STOX2: variants seen among roughly 807,000 people sequenced by gnomAD.
The protein encoded by STOX2 is storkhead-box protein 2.
A neutral mutation model predicts 60.9 loss-of-function variants in STOX2; 28 were observed. That is an observed-to-expected ratio of 0.46 (90% CI 0.34 to 0.63). The LOEUF is 0.63. Among genes scored for constraint, STOX2 ranks in the 30% least tolerant of loss-of-function variants. STOX2 has a pLI of 0.01. For missense variants in STOX2, 1,024 were observed against 1,187.7 expected (o/e 0.86, Z 2.03); for synonymous variants, 472 against 463.9 (o/e 1.02, Z -0.22).
chr4:183,919,949 TGTAA>T (rs1197248815), intron 1 of STOX2, among the ~76,000 whole-genome samples: 6 of 152,246 alleles, frequency 3.9e-5, no homozygotes, highest in Non-Finnish European at 7.4e-5. Flanking sequence ...TTGGTACCTG[TGTAA>T]GTGTCACCTT....
chr4:183,825,769 C>T lies in STOX2; in HGVS notation c.364+27714C>T, dbSNP rs539084369. On this transcript the variant is annotated intron_variant, in intron 1 of 2. Coordinates refer to the STOX2 transcript ENST00000513034. The surrounding 1 kb of genome is among the most constrained non-coding windows in gnomAD (Gnocchi z 4.1). ...GGCTGGACTTTGCCGGGGAGGGGTT[C>T]AGATTTAATGCTTCGAGCAGTGGAA... 2.1e-3 allele frequency among the ~76,000 whole-genome samples: 322 copies of T among 152,192 alleles called. 3 individuals are homozygous for T. The highest frequency in any genetic ancestry group is 7.2e-3 in the African/African-American group (297 of 41,516).
chr4:183,917,382 A>T (rs1741962296), intron 1 of STOX2, among the ~76,000 whole-genome samples: 1 of 152,204 alleles, frequency 6.6e-6, no homozygotes, highest in African/African-American at 2.4e-5. Flanking sequence ...TAGGATTTTT[A>T]AGAATTCCGG....
chr4:183,958,101 G>T (rs1212211663), intron 1 of STOX2, among the ~76,000 whole-genome samples: 1 of 151,606 alleles, frequency 6.6e-6, no homozygotes, highest in Non-Finnish European at 1.5e-5. Context: ...AAGGCACCCT[G>T]GTTTCTTTCA....
intron 1 of STOX2, among the ~76,000 whole-genome samples, chr4:183,857,536 C>A (rs906059186): frequency 3.3e-5 from 5 of 152,342 alleles, no homozygotes; most frequent in Middle Eastern, 3.4e-3. Context: ...TGAGGTTCTG[C>A]CCGATTCAGC....
At chr4:183,827,441 G>A (rs1233510955) in intron 1 of STOX2, among the ~76,000 whole-genome samples, 1 of 151,776 alleles carries the variant, frequency 6.6e-6, no homozygotes, top group African/African-American at 2.4e-5. Context: ...GCAGTGAGCT[G>A]GGATCATACC....
chr4:184,002,461 C>A (rs572738690), intron 2 of STOX2, among the ~76,000 whole-genome samples: 1 of 152,226 alleles, frequency 6.6e-6, no homozygotes, highest in Non-Finnish European at 1.5e-5. Flanking sequence ...TACAGAACAT[C>A]AAAGGCCTAC....
At chr4:183,826,776 T>C (rs1364223489) in intron 1 of STOX2, among the ~76,000 whole-genome samples, 1 of 152,222 alleles carries the variant, frequency 6.6e-6, no homozygotes, top group Non-Finnish European at 1.5e-5. Context: ...TCTCTTTCTT[T>C]TCTCTGCGTC....
chr4:183,886,782 C>A (rs1404696897), intron 1 of STOX2, among the ~76,000 whole-genome samples: 1 of 152,150 alleles, frequency 6.6e-6, no homozygotes, highest in Non-Finnish European at 1.5e-5. Context: ...ATTAGTTGAA[C>A]ACAGAGCAAG....
chr4:184,000,486 C>T (rs111378316), intron 1 of STOX2, among the ~76,000 whole-genome samples: 2 of 152,184 alleles, frequency 1.3e-5, no homozygotes, highest in African/African-American at 4.8e-5. Context: ...CTGAAATCCA[C>T]ACCTGCCTTC....
At chr4:183,967,788 C>T (rs1226897070) in intron 1 of STOX2, among the ~76,000 whole-genome samples, 1 of 151,884 alleles carries the variant, frequency 6.6e-6, no homozygotes, top group African/African-American at 2.4e-5. Context: ...TGTAGTGCCA[C>T]GAAAGTATGA....
intron 1 of STOX2, among the ~76,000 whole-genome samples, chr4:183,946,898 A>G (rs1374744722): frequency 6.6e-6 from 1 of 152,182 alleles, no homozygotes; most frequent in African/African-American, 2.4e-5. Context: ...GAGTGCTGGG[A>G]TTACAGGTGT....
chr4:183,819,558 T>C (rs1579300101), intron 1 of STOX2, among the ~76,000 whole-genome samples: 2 of 34,416 alleles, frequency 5.8e-5, no homozygotes, highest in Admixed American at 4.1e-4. Context: ...AGGGAGACTG[T>C]GGGGAGAGGG....
intron 1 of STOX2, among the ~76,000 whole-genome samples, chr4:183,861,033 T>C (rs1262903166): frequency 6.6e-6 from 1 of 152,332 alleles, no homozygotes; most frequent in Middle Eastern, 3.4e-3. Context: ...TTTTCAGTTG[T>C]TGTTACGGTA....
intron 1 of STOX2, among the ~76,000 whole-genome samples, chr4:183,848,387 T>C (rs1740033592): frequency 6.6e-6 from 1 of 152,216 alleles, no homozygotes; most frequent in Non-Finnish European, 1.5e-5. Flanking sequence ...TCCTGGCAAC[T>C]TTTTAGAACG....
intron 1 of STOX2, among the ~76,000 whole-genome samples, chr4:183,990,129 A>G (rs1733035843): frequency 1.3e-5 from 2 of 152,180 alleles, no homozygotes; most frequent in South Asian, 4.1e-4. Context: ...GAGGATGCTG[A>G]GTCAGGTTTA....
At chr4:183,871,878 AGTATGG>A (rs1289595609) in intron 1 of STOX2, among the ~76,000 whole-genome samples, 2 of 152,178 alleles carry the variant, frequency 1.3e-5, no homozygotes, top group Non-Finnish European at 2.9e-5. Flanking sequence ...TCACTACAGA[AGTATGG>A]GTTTGTAAGA....
At position 184,022,146 on chromosome 4, in the gene STOX2, C is replaced by G. The variant is rs975134885; in HGVS notation, c.*4862C>G. ...TGAGCTTTGCCAAGTGAGATAGAAT[C>G]AACTGTCACCCCATTCCTTTCCCAG... On this transcript the variant is annotated 3_prime_UTR_variant, in exon 4 of 4. Transcript: ENST00000308497. The G allele has an allele frequency of 6.6e-6, 1 of 152,204 alleles. No individual in the cohort carries two copies. The highest frequency in any genetic ancestry group is 1.5e-5 in the Non-Finnish European group (1 of 68,050). The allele number at this position is 152,204 out of a possible 1,614,324, so 9.4% of individuals were successfully genotyped here.
chr4:183,894,586 A>G (rs1162116620), intron 1 of STOX2, among the ~76,000 whole-genome samples: 1 of 152,114 alleles, frequency 6.6e-6, no homozygotes, highest in Admixed American at 6.5e-5. Context: ...AATTTGATAA[A>G]GCAGGAAACT....
At chr4:183,908,452 T>G (rs1344494258) in intron 1 of STOX2, among the ~76,000 whole-genome samples, 2 of 152,152 alleles carry the variant, frequency 1.3e-5, no homozygotes, top group Non-Finnish European at 2.9e-5. Context: ...ATTCCACACT[T>G]CACAGTTCCC....
Sources: allele counts gnomAD v4.1 joint callset (sites outside exome capture counted in the v4.1 genomes callset), GRCh38; gene constraint gnomAD v4.1.1; non-coding constraint Gnocchi (gnomAD v3.1); transcripts MANE v1.5; gene names NCBI Gene and HGNC (gene_info 2026-07-23, HGNC 2026-07-21).